CMTM6: variants seen among roughly 807,000 people sequenced by gnomAD.
The protein encoded by CMTM6 is CKLF like MARVEL transmembrane domain containing 6, also known as CKLF-like MARVEL transmembrane domain-containing protein 6.
Under a neutral mutation model 13.6 loss-of-function variants are expected in CMTM6, and 5 were observed. The observed-to-expected ratio is 0.37, with a 90% CI of 0.19 to 0.77. CMTM6 has a LOEUF of 0.77. Among genes scored for constraint, CMTM6 ranks in the 30% least tolerant of loss-of-function variants. The pLI, the probability that CMTM6 is intolerant of heterozygous loss-of-function variation, is 0.50. For missense variants in CMTM6, 196 were observed against 218.6 expected (o/e 0.90, Z 0.65); for synonymous variants, 99 against 84.5 (o/e 1.17, Z -0.94).
intron 1 of CMTM6, among the ~76,000 whole-genome samples, chr3:32,495,374 T>C (rs866795368): frequency 2.6e-5 from 4 of 152,236 alleles, no homozygotes; most frequent in Admixed American, 2.0e-4. Flanking sequence ...TGTGTAAAGA[T>C]ACTTCCTTAG....
chr3:32,502,549 A>G, intron 1 of CMTM6, 59 bp downstream of exon 1: 1 of 1,547,750 alleles, frequency 6.5e-7, no homozygotes, highest in Non-Finnish European at 8.7e-7. Flanking sequence ...GCGGCCTCCC[A>G]AGCCCGGGCC....
intron 1 of CMTM6, among the ~76,000 whole-genome samples, chr3:32,498,810 C>G (rs1415093790): frequency 2.0e-5 from 3 of 151,774 alleles, no homozygotes; most frequent in African/African-American, 7.3e-5. Context: ...TATCTCCTGA[C>G]CTTGTGATCC....
rs1024447611 is a variant in CMTM6 at position 32,481,815 on chromosome 3, A to G, written c.*2145T>C. ...AACATACTATCTTTCTGAAAAAGAA[A>G]GAATTAAGTGACCAACTAAGAGATC... is the stretch of plus-strand genomic sequence containing the variant. On this transcript the variant is annotated 3_prime_UTR_variant, in exon 4 of 4. Transcript: ENST00000205636. The G allele has an allele frequency of 1.7e-4, 26 of 152,270 alleles. No homozygotes were observed. Among genetic ancestry groups the G allele is most frequent in the African/African-American group, 5.5e-4 (23 of 41,484 alleles). The allele number at this position is 152,270 out of a possible 1,614,324, so 9.4% of individuals were successfully genotyped here.
chr3:32,496,198 CAAAAAAA>C (rs11426299), intron 1 of CMTM6, among the ~76,000 whole-genome samples: 1 of 78,052 alleles, frequency 1.3e-5, no homozygotes, highest in African/African-American at 5.5e-5. Context: ...GAGACTATCT[CAAAAAAA>C]AAAAAAAAAA....
rs1029292419 is a variant in CMTM6 at position 32,486,156 on chromosome 3, G to A, written c.414+1782C>T. Among the ~76,000 whole-genome samples, 9 of 152,130 alleles carry A rather than the reference G, an allele frequency of 5.9e-5. No individual in the cohort carries two copies. In the South Asian group the frequency reaches 8.3e-4, roughly 14 times the overall value. On this transcript the variant is annotated intron_variant, in intron 3 of 3. Transcript: ENST00000205636. ...CTCCCAAAGTGCTGGGATTACAGGC[G>A]TTGACCCACCACCCACCACGCCCGG...
chr3:32,501,532 C>T (rs1286079600), intron 1 of CMTM6, among the ~76,000 whole-genome samples: 1 of 152,184 alleles, frequency 6.6e-6, no homozygotes, highest in Non-Finnish European at 1.5e-5. Context: ...CAGTCATCAG[C>T]AGATGTGATC....
chr3:32,487,887 A>C, intron 3 of CMTM6, 51 bp downstream of exon 3: 1 of 1,335,300 alleles, frequency 7.5e-7, no homozygotes, highest in Non-Finnish European at 1.1e-6. Flanking sequence ...TCCAAATTCC[A>C]TATTTCTAAG....
chr3:32,487,549 C>T (rs761821443), intron 3 of CMTM6, among the ~76,000 whole-genome samples: 7 of 152,218 alleles, frequency 4.6e-5, no homozygotes, highest in Middle Eastern at 3.4e-3. Flanking sequence ...TTTACTTTTC[C>T]GTCTCCTTTT....
At chr3:32,491,552 T>A (rs1697249960) in intron 2 of CMTM6, among the ~76,000 whole-genome samples, 158 bp downstream of exon 2, 1 of 152,130 alleles carries the variant, frequency 6.6e-6, no homozygotes, top group African/African-American at 2.4e-5. Context: ...ATCCCCTTGG[T>A]AGGAAAAAAT....
intron 1 of CMTM6, among the ~76,000 whole-genome samples, chr3:32,501,492 C>T (rs1697345191): frequency 6.6e-6 from 1 of 152,118 alleles, no homozygotes; most frequent in South Asian, 2.1e-4. Flanking sequence ...TTCCATAGGC[C>T]ACATTATCAC....
chr3:32,495,648 CAT>C (rs1392602270), intron 1 of CMTM6, among the ~76,000 whole-genome samples: 2 of 152,266 alleles, frequency 1.3e-5, no homozygotes, highest in South Asian at 2.1e-4. Flanking sequence ...TAGGCACACT[CAT>C]GTGTGAAGGC....
At chr3:32,499,888 C>G (rs1697330265) in intron 1 of CMTM6, among the ~76,000 whole-genome samples, 1 of 150,518 alleles carries the variant, frequency 6.6e-6, no homozygotes, top group African/African-American at 2.4e-5. Flanking sequence ...CCCCATGGAG[C>G]CTCAGAGGTT....
chr3:32,500,067 T>C (rs1357751897), intron 1 of CMTM6, among the ~76,000 whole-genome samples: 1 of 152,212 alleles, frequency 6.6e-6, no homozygotes, highest in East Asian at 1.9e-4. Context: ...TTAAGATTTA[T>C]GGGTCCAGAA....
chr3:32,485,901 G>T (rs1697199355), intron 3 of CMTM6, among the ~76,000 whole-genome samples: 1 of 152,122 alleles, frequency 6.6e-6, no homozygotes, highest in Non-Finnish European at 1.5e-5. Context: ...TTTTTGAGAT[G>T]GAGTCTCACT....
chr3:32,492,848 G>A (rs185062194), intron 1 of CMTM6, among the ~76,000 whole-genome samples: 1 of 152,300 alleles, frequency 6.6e-6, no homozygotes, highest in African/African-American at 2.4e-5. Flanking sequence ...TGGGTCTACT[G>A]ACGAATTCCA....
chr3:32,482,372 A>G lies in CMTM6; in HGVS notation c.*1588T>C, dbSNP rs1226681028. ...TAAGACACACAAATGGCAGATGAGAAAAAAAAAAAAGGATGAGGTCATTAA... is the reference window on the plus strand; with the variant it reads ...TAAGACACACAAATGGCAGATGAGAGAAAAAAAAAAGGATGAGGTCATTAA... On this transcript the variant is annotated 3_prime_UTR_variant, in exon 4 of 4. Transcript: ENST00000205636. 1 of 149,350 alleles carries G rather than the reference A, an allele frequency of 6.7e-6. No homozygotes were observed. The highest frequency in any genetic ancestry group is 1.5e-5 in the Non-Finnish European group (1 of 67,016). The allele number at this position is 149,350 out of a possible 1,614,324, so 9.3% of individuals were successfully genotyped here.
intron 2 of CMTM6, 72 bp downstream of exon 2, chr3:32,491,638 G>T: frequency 7.5e-7 from 1 of 1,337,712 alleles, no homozygotes; most frequent in Non-Finnish European, 1.0e-6. Flanking sequence ...AAACATTACT[G>T]CTTTGAACAA....
At chr3:32,489,995 T>G (rs1697237254) in intron 2 of CMTM6, among the ~76,000 whole-genome samples, 1 of 152,082 alleles carries the variant, frequency 6.6e-6, no homozygotes, top group Non-Finnish European at 1.5e-5. Flanking sequence ...TAAAAAATAT[T>G]ATTCCTTTGG....
At position 32,490,635 on chromosome 3, in the gene CMTM6, T is replaced by A. The variant is rs72858890; in HGVS notation, c.315+1075A>T. On this transcript the variant is annotated intron_variant, in intron 2 of 3. Coordinates refer to ENST00000205636, the MANE Select transcript of CMTM6 (RefSeq NM_017801.3). ...GTTTGATATAATAAAGGTTTTACTT[T>A]TTTTACGTTACACCATTATACTACA... Among the ~76,000 whole-genome samples, 390 of 152,324 alleles carry A rather than the reference T, an allele frequency of 2.6e-3. 1 individual carries two copies. The highest frequency in any genetic ancestry group is 8.9e-3 in the African/African-American group (372 of 41,590).
Sources: allele counts gnomAD v4.1 joint callset (sites outside exome capture counted in the v4.1 genomes callset), GRCh38; gene constraint gnomAD v4.1.1; transcripts MANE v1.5; gene names NCBI Gene and HGNC (gene_info 2026-07-23, HGNC 2026-07-21).